RPH3AL: variants seen among roughly 807,000 people sequenced by gnomAD.
The protein encoded by RPH3AL is rab effector Noc2.
A neutral mutation model predicts 43.1 loss-of-function variants in RPH3AL; 38 were observed. The observed-to-expected ratio is 0.88, with a 90% CI of 0.68 to 1.15. RPH3AL has a LOEUF of 1.15. Among genes scored for constraint, RPH3AL ranks in the 50% most tolerant of loss-of-function variants. RPH3AL has a pLI of 0.00. For missense variants in RPH3AL, 462 were observed against 423.2 expected, an observed-to-expected ratio of 1.09 and a Z score of -0.81; for synonymous variants, 189 against 176.3, an observed-to-expected ratio of 1.07 and a Z score of -0.57.
rs1053043965 is a variant in RPH3AL, at chr17:333,389, C to T, written c.-37+370G>A. ...TCTTAACACCTTAATGTAGCACCTT[C>T]CAACTTTTCCTGGGCATTTATGTAC... is the stretch of plus-strand genomic sequence containing the variant. On this transcript the variant is annotated intron_variant, in intron 2 of 9. Transcript: ENST00000331302. The surrounding 1 kb of genome is among the most constrained non-coding windows in gnomAD (Gnocchi z 4.5). 1 of 923,160 alleles carries T rather than the reference C, an allele frequency of 1.1e-6. No homozygotes were observed. Among genetic ancestry groups the T allele is most frequent in the Admixed American group, 2.7e-5 (1 of 36,690 alleles). The allele number at this position is 923,160 out of a possible 1,614,324, so 57.2% of individuals were successfully genotyped here.
intron 6 of RPH3AL, among the ~76,000 whole-genome samples, chr17:262,207 T>C (rs1173997696): frequency 6.6e-6 from 1 of 152,144 alleles, no homozygotes; most frequent in Non-Finnish European, 1.5e-5. Context: ...CGTTTGAGCC[T>C]AAGACGTTTC....
intron 6 of RPH3AL, among the ~76,000 whole-genome samples, chr17:263,192 G>A (rs940223781): frequency 1.4e-4 from 21 of 152,098 alleles, no homozygotes; most frequent in Non-Finnish European, 1.8e-4. Context: ...AGGAAGAGGC[G>A]GCCTCCATAT....
At chr17:253,548 T>A (rs537121352) in intron 6 of RPH3AL, among the ~76,000 whole-genome samples, 10 of 152,238 alleles carry the variant, frequency 6.6e-5, no homozygotes, top group Admixed American at 2.6e-4. Context: ...ATTCATAACA[T>A]CAAACGTATC....
rs187769611 is a variant in RPH3AL at position 349,670 on chromosome 17, T to G, written c.-213+3042A>C. ...GACCCCATCTCTATAAAAAAACTTT[T>G]TAATAAAAATAAATGTTAAAAATTA... is the stretch of plus-strand genomic sequence containing the variant. On this transcript the variant is annotated intron_variant, in intron 1 of 9. Coordinates refer to ENST00000331302, the MANE Select transcript of RPH3AL (RefSeq NM_006987.4). Among the ~76,000 whole-genome samples, 490 of 152,252 alleles carry G rather than the reference T, an allele frequency of 3.2e-3. 3 individuals are homozygous for G. Among genetic ancestry groups the G allele is most frequent in the African/African-American group, 0.011 (475 of 41,536 alleles).
At chr17:269,010 C>T (rs914871321) in intron 6 of RPH3AL, among the ~76,000 whole-genome samples, 1 of 152,176 alleles carries the variant, frequency 6.6e-6, no homozygotes, top group Admixed American at 6.5e-5. Flanking sequence ...TCCCGAGTAG[C>T]TGGGACTACA....
intron 1 of RPH3AL, among the ~76,000 whole-genome samples, chr17:345,918 C>T (rs1424863796): frequency 1.5e-5 from 2 of 135,342 alleles, no homozygotes; most frequent in Non-Finnish European, 3.4e-5. Context: ...AATGGGATGC[C>T]AGTGGGCTCT....
intron 5 of RPH3AL, among the ~76,000 whole-genome samples, chr17:299,254 T>C (rs1175828509): frequency 4.6e-5 from 7 of 151,864 alleles, no homozygotes; most frequent in African/African-American, 1.5e-4. Context: ...AGGGCCCGAA[T>C]GCCGCTGCTG....
intron 5 of RPH3AL, among the ~76,000 whole-genome samples, chr17:296,123 A>G (rs1302954013): frequency 2.7e-5 from 3 of 111,374 alleles, no homozygotes; most frequent in Non-Finnish European, 3.7e-5. Flanking sequence ...AAATGGATGG[A>G]CAGAGGGAAT....
At chr17:252,481 A>G (rs932641622) in intron 6 of RPH3AL, among the ~76,000 whole-genome samples, 1 of 152,134 alleles carries the variant, frequency 6.6e-6, no homozygotes, top group Non-Finnish European at 1.5e-5. Flanking sequence ...TGTAGATGCA[A>G]CCTGTTCCCA....
chr17:311,418 C>T (rs1429087294), intron 5 of RPH3AL, among the ~76,000 whole-genome samples: 1 of 152,168 alleles, frequency 6.6e-6, no homozygotes, highest in Non-Finnish European at 1.5e-5. Flanking sequence ...TTCCCTCTGC[C>T]CTCAGCCTTT....
chr17:282,391 C>A (rs1394955620), intron 5 of RPH3AL, among the ~76,000 whole-genome samples: 2 of 152,198 alleles, frequency 1.3e-5, no homozygotes, highest in African/African-American at 2.4e-5. Context: ...GGTGAGGAAC[C>A]CGGGGCTTGG....
intron 5 of RPH3AL, among the ~76,000 whole-genome samples, chr17:294,104 T>C (rs1318642323): frequency 1.3e-5 from 2 of 152,134 alleles, no homozygotes; most frequent in African/African-American, 4.8e-5. Flanking sequence ...ACGTGGGGCT[T>C]GGTCTCCAGG....
At chr17:304,289 GTAT>G (rs767154784) in intron 5 of RPH3AL, among the ~76,000 whole-genome samples, 2 of 152,064 alleles carry the variant, frequency 1.3e-5, no homozygotes, top group African/African-American at 4.8e-5. Flanking sequence ...CCCGAGATAG[GTAT>G]TATTATTCCC....
intron 5 of RPH3AL, among the ~76,000 whole-genome samples, chr17:285,328 C>A: frequency 6.6e-6 from 1 of 152,230 alleles, no homozygotes; most frequent in Non-Finnish European, 1.5e-5. Flanking sequence ...GGTGGGCTCC[C>A]GGGCAAGTCA....
intron 5 of RPH3AL, among the ~76,000 whole-genome samples, chr17:317,643 G>C (rs1028139232): frequency 6.6e-6 from 1 of 152,106 alleles, no homozygotes. Flanking sequence ...CAGTATTTTT[G>C]GGCCAGTTAA....
rs1320118063 is a variant in RPH3AL, at chr17:225,351, T to C, written c.614-5615A>G. ...AAAACCTGCCTTATTTTGCAGTTGTTTTTCGGGTCCTGGACTGAGCTGCTT... is the reference window on the plus strand; with the variant it reads ...AAAACCTGCCTTATTTTGCAGTTGTCTTTCGGGTCCTGGACTGAGCTGCTT... On this transcript the variant is annotated intron_variant, in intron 7 of 9. Coordinates refer to ENST00000331302, the MANE Select transcript of RPH3AL (RefSeq NM_006987.4). This position sits in a 1 kb window ranked among gnomAD's most constrained non-coding sequence, Gnocchi z 4.4. 6.6e-6 allele frequency among the ~76,000 whole-genome samples: 1 copy of C among 152,156 alleles called. No homozygotes were observed. The highest frequency in any genetic ancestry group is 2.4e-5 in the African/African-American group (1 of 41,422).
intron 5 of RPH3AL, among the ~76,000 whole-genome samples, chr17:315,389 C>T (rs1598094517): frequency 6.6e-6 from 1 of 152,300 alleles, no homozygotes; most frequent in South Asian, 2.1e-4. Flanking sequence ...GCCCCACCTC[C>T]ATTGACCTGT....
At chr17:351,557 C>A (rs1376884876) in intron 1 of RPH3AL, among the ~76,000 whole-genome samples, 4 of 152,292 alleles carry the variant, frequency 2.6e-5, no homozygotes, top group East Asian at 1.9e-4. Flanking sequence ...TCCTCCTGCA[C>A]CCCGCCTGTC....
chr17:315,637 G>T, intron 5 of RPH3AL, among the ~76,000 whole-genome samples: 1 of 147,772 alleles, frequency 6.8e-6, no homozygotes, highest in Non-Finnish European at 1.5e-5. Flanking sequence ...CACCTCCACT[G>T]ACCTGTAGTC....
Sources: allele counts gnomAD v4.1 joint callset (sites outside exome capture counted in the v4.1 genomes callset), GRCh38; gene constraint gnomAD v4.1.1; non-coding constraint Gnocchi (gnomAD v3.1); transcripts MANE v1.5; gene names NCBI Gene and HGNC (gene_info 2026-07-23, HGNC 2026-07-21).